The following UBA6 variants were observed in gnomAD, a reference collection of about 807,000 sequenced individuals.
The protein encoded by UBA6 is ubiquitin-like modifier-activating enzyme 6.
A neutral mutation model predicts 148.3 loss-of-function variants in UBA6; 87 were observed. That is an observed-to-expected ratio of 0.59 (90% CI 0.49 to 0.70). UBA6 has a LOEUF of 0.70. UBA6 is among the 30% of genes least tolerant of loss of function. The pLI is 0.00. For synonymous variants in UBA6, 376 were observed against 401.0 expected, an observed-to-expected ratio of 0.94 and a Z score of 0.75; for missense variants, 1,186 against 1,241.2, an observed-to-expected ratio of 0.96 and a Z score of 0.67.
At chr4:67,673,418 G>GAA (rs566565882) in intron 7 of UBA6, among the ~76,000 whole-genome samples, 12 of 102,130 alleles carry the variant, frequency 1.2e-4, no homozygotes, top group East Asian at 5.7e-4. Flanking sequence ...TCTGTCTCGG[G>GAA]AAAAAAAAAA....
Position 67,662,230 on chromosome 4 carries a change from A to G in UBA6, c.1063T>C (p.Leu355=), listed in dbSNP as rs1483272970. The G allele has an allele frequency of 6.2e-7, 1 of 1,613,602 alleles. No individual in the cohort carries two copies. The highest frequency in any genetic ancestry group is 1.7e-5 in the Admixed American group (1 of 60,000). Residue 355 remains leucine, a synonymous_variant, in exon 13 of 33, where the codon TTG becomes CTG. Coordinates refer to ENST00000322244, the MANE Select transcript of UBA6 (RefSeq NM_018227.6). Reference sequence around the variant, plus strand: ...TCACTTATAGATGTTGCTAGTTTCAACAGTTCTTCTGAATCTTGTTGGCAT... The same window carrying G: ...TCACTTATAGATGTTGCTAGTTTCAGCAGTTCTTCTGAATCTTGTTGGCAT... ...VGCQQDSEEL[L]KLATSISETL...
chr4:67,645,904 T>C, intron 16 of UBA6, 34 bp downstream of exon 16: 1 of 1,355,674 alleles, frequency 7.4e-7, no homozygotes, highest in African/African-American at 1.5e-5. Context: ...GATAGCAGTT[T>C]GAACATACTA....
intron 14 of UBA6, 42 bp downstream of exon 14, chr4:67,649,026 T>C: frequency 6.3e-7 from 1 of 1,592,206 alleles, no homozygotes; most frequent in Non-Finnish European, 8.5e-7. Context: ...ACACATTCCA[T>C]TTCACGAGTA....
Position 67,622,922 on chromosome 4 carries a change from TCTC to T in UBA6, c.2929_2931del (p.Glu977del). The T allele has an allele frequency of 6.2e-7, 1 of 1,606,266 alleles. No homozygotes were observed. The highest frequency in any genetic ancestry group is 8.5e-7 in the Non-Finnish European group (1 of 1,176,604). On this transcript the variant is annotated inframe_deletion and splice_region_variant, in exon 32 of 33. Transcript: ENST00000322244. ...ACCATTGTTGGCTCAATTCCATACT[TCTC>T]CTAAAAGTGAATATCCAAAAAAGAA...
intron 13 of UBA6, among the ~76,000 whole-genome samples, chr4:67,655,323 A>G (rs527815600): frequency 6.6e-6 from 1 of 152,364 alleles, no homozygotes; most frequent in African/African-American, 2.4e-5. Context: ...AAAAGAACAG[A>G]AATCACAACA....
chr4:67,645,873 T>C (rs948380386), intron 16 of UBA6, 65 bp downstream of exon 16: 18 of 1,009,758 alleles, frequency 1.8e-5, no homozygotes, highest in Non-Finnish European at 2.4e-5. Flanking sequence ...AAATTTGTTT[T>C]AATGAATTAA....
intron 27 of UBA6, among the ~76,000 whole-genome samples, chr4:67,627,235 C>G (rs1308614703): frequency 6.6e-6 from 1 of 151,800 alleles, no homozygotes; most frequent in African/African-American, 2.4e-5. Flanking sequence ...ACAAATTAAA[C>G]ATTATTACAA....
At chr4:67,636,180 C>G (rs1560481592) in intron 19 of UBA6, among the ~76,000 whole-genome samples, 2 of 152,156 alleles carry the variant, frequency 1.3e-5, no homozygotes, top group African/African-American at 4.8e-5. Flanking sequence ...ACTGAGGATA[C>G]AATGACGGAA....
rs546141436 is a variant in UBA6 at position 67,688,715 on chromosome 4, C to T, written c.135-6502G>A. On this transcript the variant is annotated intron_variant, in intron 2 of 32. Transcript: ENST00000322244. Reference sequence around the variant, plus strand: ...TTTGTTCAACTGGGTACTAAAATTGCTCTAAAAGATATTTCCTAGTTAAAT... The same window carrying T: ...TTTGTTCAACTGGGTACTAAAATTGTTCTAAAAGATATTTCCTAGTTAAAT... Among the ~76,000 whole-genome samples, 41 of 152,058 alleles carry T rather than the reference C, an allele frequency of 2.7e-4. 1 individual carries two copies. In the South Asian group the frequency reaches 5.6e-3, roughly 21 times the overall value.
intron 13 of UBA6, among the ~76,000 whole-genome samples, chr4:67,659,264 C>T (rs571157268): frequency 6.6e-6 from 1 of 152,256 alleles, no homozygotes; most frequent in East Asian, 1.9e-4. Flanking sequence ...GATGTTAAGA[C>T]TCTCACTTCC....
intron 2 of UBA6, among the ~76,000 whole-genome samples, chr4:67,683,277 G>A (rs1730483628): frequency 6.6e-6 from 1 of 152,094 alleles, no homozygotes; most frequent in Non-Finnish European, 1.5e-5. Context: ...GGTTTTACCT[G>A]ATTTTAGACT....
rs1729379207 is a variant in UBA6, at chr4:67,644,634, A to G, written c.1476+64T>C. On this transcript the variant is annotated intron_variant, in intron 17 of 32. Transcript: ENST00000322244. ...TGATACTTCAGATTTATGCAGTCAA[A>G]TATAGCTGAAAAAGGGCAACAACAG... 2.1e-5 allele frequency: 20 copies of G among 961,138 alleles called. No homozygotes were observed. In the South Asian group the frequency reaches 2.7e-4, roughly 13 times the overall value. The allele number at this position is 961,138 out of a possible 1,614,324, so 59.5% of individuals were successfully genotyped here.
At position 67,619,048 on chromosome 4, in the gene UBA6, T is replaced by A; in HGVS notation, c.3108A>T (p.Glu1036Asp). 1.9e-6 allele frequency: 3 copies of A among 1,613,842 alleles called. No individual in the cohort carries two copies. The highest frequency in any genetic ancestry group is 2.5e-6 in the Non-Finnish European group (3 of 1,179,738). Residue 1036 changes from glutamate (E) to aspartate (D), a missense_variant, in exon 33 of 33, where the codon GAA (glutamate) becomes GAT (aspartate). Physicochemically the swap from Glu to Asp is conservative, Grantham distance 45. Transcript: ENST00000322244. Reference sequence around the variant, plus strand: ...ATCTTACTGGAGGTCCCGGCAAATCTTCATCTCCATCAATGTCTGGAGCAA... The same window carrying A: ...ATCTTACTGGAGGTCCCGGCAAATCATCATCTCCATCAATGTCTGGAGCAA... ...VSFAPDIDGD[E>D]DLPGPPVRYY...
chr4:67,624,996 A>G lies in UBA6; in HGVS notation c.2710T>C (p.Leu904=), dbSNP rs752774329. The G allele has an allele frequency of 3.8e-6, 6 of 1,597,778 alleles. No homozygotes were observed. The highest frequency in any genetic ancestry group is 1.7e-4 in the Middle Eastern group (1 of 6,022). Residue 904 remains leucine (L), a splice_region_variant and synonymous_variant, in exon 29 of 33, where the codon TTG becomes CTG. Coordinates refer to ENST00000322244, the MANE Select transcript of UBA6 (RefSeq NM_018227.6). ...TATTCAAGGAATAATAAACTTACCA[A>G]GCCAGAAACTGTAGCAGTGGTTGTT... ...IATTTATVSG[L]VALEMIKVTG...
chr4:67,679,653 C>T (rs1730383102), intron 4 of UBA6, among the ~76,000 whole-genome samples: 1 of 151,752 alleles, frequency 6.6e-6, no homozygotes, highest in African/African-American at 2.4e-5. Flanking sequence ...GAATATATAG[C>T]ATATATAGGA....
At position 67,681,548 on chromosome 4, in the gene UBA6, A is replaced by G. The variant is rs1730438878; in HGVS notation, c.258+15T>C. On this transcript the variant is annotated intron_variant, in intron 4 of 32. Transcript: ENST00000322244. Reference sequence around the variant, plus strand: ...AGGCTCATAACAATTTTTCTTACAGAGGACATTTACTTACCTTAATCCCTG... The same window carrying G: ...AGGCTCATAACAATTTTTCTTACAGGGGACATTTACTTACCTTAATCCCTG... 2 of 1,556,638 alleles carry G rather than the reference A, an allele frequency of 1.3e-6. No homozygotes were observed. Among genetic ancestry groups the G allele is most frequent in the Admixed American group, 2.2e-5 (1 of 46,092 alleles).
Position 67,675,010 on chromosome 4 carries a change from C to A in UBA6, c.466-1233G>T, listed in dbSNP as rs574221805. Among the ~76,000 whole-genome samples the A allele has an allele frequency of 5.9e-5, 9 of 152,312 alleles. No individual in the cohort carries two copies. In the South Asian group the frequency reaches 1.7e-3, roughly 28 times the overall value. On this transcript the variant is annotated intron_variant, in intron 6 of 32. Transcript: ENST00000322244. ...TCAGCCTCCCCAGTAGCTGGGATTA[C>A]AGGCACATGCCACCATGCCCAGCTA...
chr4:67,644,860 A>G (rs913283712), intron 16 of UBA6, 82 bp from the exon 17 acceptor site: 17 of 657,810 alleles, frequency 2.6e-5, no homozygotes, highest in Non-Finnish European at 4.2e-5. Flanking sequence ...TAACAGGTTT[A>G]TTTTACCACT....
At chr4:67,632,821 G>GT (rs1027454095) in intron 23 of UBA6, among the ~76,000 whole-genome samples, 6 of 151,578 alleles carry the variant, frequency 4.0e-5, no homozygotes, top group East Asian at 2.0e-4. Flanking sequence ...GGGAAACCCT[G>GT]TTTTTTTGTT....
Sources: allele counts gnomAD v4.1 joint callset (sites outside exome capture counted in the v4.1 genomes callset), GRCh38; gene constraint gnomAD v4.1.1; transcripts MANE v1.5; gene names NCBI Gene and HGNC (gene_info 2026-07-23, HGNC 2026-07-21).